GSE1: variants seen among roughly 807,000 people sequenced by gnomAD.
GSE1 encodes Gse1 coiled-coil protein, also known as genetic suppressor element 1.
In GSE1, 32 loss-of-function variants were observed where a neutral mutation model predicts 112.6. The observed-to-expected ratio is 0.28, with a 90% confidence interval of 0.21 to 0.38. GSE1 has a LOEUF of 0.38. Ranked by LOEUF, GSE1 falls within the 10% of genes least tolerant of loss-of-function variation. The pLI is 1.00. For synonymous variants in GSE1, 1,115 were observed against 735.6 expected (o/e 1.52, Z -8.35); for missense variants, 2,348 against 1,699.2 (o/e 1.38, Z -6.71).
intron 2 of GSE1, among the ~76,000 whole-genome samples, chr16:85,440,571 C>T (rs2049351802): frequency 6.6e-6 from 1 of 152,236 alleles, no homozygotes; most frequent in African/African-American, 2.4e-5. Context: ...ACTGGGAGGA[C>T]CTGGGGTTAA....
rs80266873 is a variant in GSE1 at position 85,615,011 on chromosome 16, C to T, written c.7+1613C>T. ...TGTGCCCCCTGGTCGGCCGTCTCGT[C>T]CTCTCCTCTGGGATTCCGTGCTCCC... On this transcript the variant is annotated intron_variant, in intron 1 of 15. Transcript: ENST00000253458. Among the ~76,000 whole-genome samples, 479 of 152,328 alleles carry T rather than the reference C, an allele frequency of 3.1e-3. 3 individuals carry two copies. Among genetic ancestry groups the T allele is most frequent in the African/African-American group, 0.011 (459 of 41,582 alleles).
At chr16:85,195,520 G>A (rs1475458522) in intron 1 of GSE1, among the ~76,000 whole-genome samples, 1 of 152,214 alleles carries the variant, frequency 6.6e-6, no homozygotes, top group Non-Finnish European at 1.5e-5. Context: ...CAGCTCTCTG[G>A]ATTTAGAGTC....
chr16:85,270,728 G>A (rs571594764), intron 1 of GSE1, among the ~76,000 whole-genome samples: 8 of 151,570 alleles, frequency 5.3e-5, no homozygotes, highest in South Asian at 4.2e-4. Context: ...CCCAGCTCCC[G>A]CCAGCTGGAG....
At chr16:85,438,708 T>C (rs1195653852) in intron 2 of GSE1, among the ~76,000 whole-genome samples, 1 of 152,080 alleles carries the variant, frequency 6.6e-6, no homozygotes, top group Non-Finnish European at 1.5e-5. Flanking sequence ...CTTGAGCGAG[T>C]GATCGCTGCC....
At chr16:85,537,940 G>A (rs1261542134) in intron 2 of GSE1, among the ~76,000 whole-genome samples, 1 of 152,190 alleles carries the variant, frequency 6.6e-6, no homozygotes, top group Non-Finnish European at 1.5e-5. Context: ...AGGGAGGCGA[G>A]CGTGGCTGGA....
intron 2 of GSE1, among the ~76,000 whole-genome samples, chr16:85,516,952 C>T (rs1279999368): frequency 6.6e-6 from 1 of 152,176 alleles, no homozygotes; most frequent in African/African-American, 2.4e-5. Flanking sequence ...CGCCTGTCAC[C>T]ACGCCCGGCT....
At position 85,661,687 on chromosome 16, in the gene GSE1, G is replaced by A. The variant is rs990666412; in HGVS notation, c.2182G>A (p.Glu728Lys). ...RAPDPAYIYD[E>K]FLQQRRRLVS... ...CCCCGACCCTGCCTACATCTATGATGAGTTCCTGCAGCAGCGCCGGAGGCT... is the reference window on the plus strand; with the variant it reads ...CCCCGACCCTGCCTACATCTATGATAAGTTCCTGCAGCAGCGCCGGAGGCT... Residue 728 changes from glutamate (E) to lysine (K), a missense_variant, in exon 9 of 16, where the codon GAG (glutamate) becomes AAG (lysine). Coordinates refer to ENST00000253458, the MANE Select transcript of GSE1 (RefSeq NM_014615.5). 8.1e-6 allele frequency: 13 copies of A among 1,609,304 alleles called. No homozygotes were observed. The Admixed American group carries it at 8.4e-5, about 10-fold the overall frequency.
intron 1 of GSE1, among the ~76,000 whole-genome samples, chr16:85,187,647 C>T (rs569863755): frequency 8.5e-5 from 13 of 152,142 alleles, no homozygotes; most frequent in Non-Finnish European, 1.3e-4. Flanking sequence ...TAAGGGTGTG[C>T]GGACATCAGG....
chr16:85,510,923 A>C (rs899714085), intron 2 of GSE1, among the ~76,000 whole-genome samples: 2 of 152,248 alleles, frequency 1.3e-5, no homozygotes, highest in African/African-American at 4.8e-5. Flanking sequence ...AAAAGCAGCC[A>C]ACCTTGACCA....
intron 1 of GSE1, among the ~76,000 whole-genome samples, chr16:85,629,811 T>C (rs979507442): frequency 2.0e-5 from 3 of 152,176 alleles, no homozygotes; most frequent in African/African-American, 7.2e-5. Context: ...GGCTTTCTGA[T>C]GGATTGAGGG....
intron 1 of GSE1, among the ~76,000 whole-genome samples, chr16:85,225,743 C>CAGT (rs1355066849): frequency 6.6e-6 from 1 of 152,244 alleles, no homozygotes. Flanking sequence ...CAAACACTTG[C>CAGT]AGTATTCGTA....
chr16:85,555,307 G>C (rs2045146256), upstream of GSE1: 1 of 985,054 alleles, frequency 1.0e-6, no homozygotes, highest in Non-Finnish European at 1.2e-6. Flanking sequence ...CCAGGCGCCA[G>C]AGCCCCCGCG....
At chr16:85,653,323 T>C (rs1168547799) in intron 3 of GSE1, among the ~76,000 whole-genome samples, 1 of 47,626 alleles carries the variant, frequency 2.1e-5, no homozygotes, top group Non-Finnish European at 4.1e-5. Flanking sequence ...CTCCTCCTCC[T>C]CCCACTTAGT....
chr16:85,295,769 T>A (rs1157732077), intron 1 of GSE1, among the ~76,000 whole-genome samples: 1 of 152 alleles, frequency 6.6e-3, no homozygotes, highest in African/African-American at 0.014. Context: ...AATTCGTAAC[T>A]TTTTTTTTTT....
At chr16:85,210,055 T>C (rs1043706169) in intron 1 of GSE1, among the ~76,000 whole-genome samples, 28 of 152,216 alleles carry the variant, frequency 1.8e-4, no homozygotes, top group African/African-American at 6.8e-4. Flanking sequence ...ACCAAAAAGA[T>C]GGTCAGACTC....
At chr16:85,413,062 G>A (rs571667890) in intron 2 of GSE1, among the ~76,000 whole-genome samples, 5 of 152,306 alleles carry the variant, frequency 3.3e-5, no homozygotes, top group African/African-American at 9.6e-5. Context: ...TGGAGGGGCC[G>A]CCCCACGGAG....
intron 2 of GSE1, among the ~76,000 whole-genome samples, chr16:85,473,316 A>G (rs2050353493): frequency 6.6e-6 from 1 of 152,060 alleles, no homozygotes; most frequent in Non-Finnish European, 1.5e-5. Flanking sequence ...AAGTTAGTGC[A>G]GGGGCAGGGC....
At chr16:85,235,390 G>T (rs1305310579) in intron 1 of GSE1, among the ~76,000 whole-genome samples, 2 of 150,796 alleles carry the variant, frequency 1.3e-5, no homozygotes, top group East Asian at 2.0e-4. Flanking sequence ...TCTCCAGACC[G>T]CAGCGGGGGG....
In GSE1 at chr16:85,615,032, C is replaced by T. The variant is rs145195041; in HGVS notation, c.7+1634C>T. Among the ~76,000 whole-genome samples the T allele has an allele frequency of 6.2e-4, 95 of 152,366 alleles. 1 individual carries two copies. Among genetic ancestry groups the T allele is most frequent in the Non-Finnish European group, 1.1e-3 (77 of 68,040 alleles). On this transcript the variant is annotated intron_variant, in intron 1 of 15. Transcript: ENST00000253458. ...TCGTCCTCTCCTCTGGGATTCCGTG[C>T]TCCCGCCTCCCGGCAGGGGTGGAAG...
Sources: allele counts gnomAD v4.1 joint callset (sites outside exome capture counted in the v4.1 genomes callset), GRCh38; gene constraint gnomAD v4.1.1; transcripts MANE v1.5; gene names NCBI Gene and HGNC (gene_info 2026-07-23, HGNC 2026-07-21).